The following DENND1A variants were observed in gnomAD, a reference collection of about 807,000 sequenced individuals.
The protein encoded by DENND1A is DENN domain-containing protein 1A.
Under a neutral mutation model 113.7 loss-of-function variants are expected in DENND1A, and 51 were observed. The observed-to-expected ratio is 0.45, with a 90% CI of 0.36 to 0.57. The LOEUF is 0.57. Ranked by LOEUF, DENND1A falls within the 20% of genes least tolerant of loss-of-function variation. The pLI is 0.00. For synonymous variants in DENND1A, 565 were observed against 570.8 expected (o/e 0.99, Z 0.14); for missense variants, 1,258 against 1,395.9 (o/e 0.90, Z 1.57).
chr9:123,917,353 T>A (rs550896720), intron 1 of DENND1A, among the ~76,000 whole-genome samples: 1 of 152,108 alleles, frequency 6.6e-6, no homozygotes, highest in East Asian at 1.9e-4. Flanking sequence ...GCCAAAAACA[T>A]AACTATTTTC....
chr9:123,510,949 T>C (rs1259212977), intron 13 of DENND1A, among the ~76,000 whole-genome samples: 1 of 152,178 alleles, frequency 6.6e-6, no homozygotes, highest in African/African-American at 2.4e-5. Flanking sequence ...GAGCATGGAA[T>C]AGGCAATAAG....
At chr9:123,801,632 A>G (rs1470140350) in intron 2 of DENND1A, among the ~76,000 whole-genome samples, 1 of 152,214 alleles carries the variant, frequency 6.6e-6, no homozygotes, top group Admixed American at 6.5e-5. Context: ...TCTTTTGCAT[A>G]TATATCCACA....
At chr9:123,435,354 A>C (rs1308253035) in intron 19 of DENND1A, among the ~76,000 whole-genome samples, 1 of 152,146 alleles carries the variant, frequency 6.6e-6, no homozygotes, top group Non-Finnish European at 1.5e-5. Flanking sequence ...AGAATTCTCC[A>C]TACGCAGAGA....
At chr9:123,790,888 A>G (rs1227637659) in intron 3 of DENND1A, among the ~76,000 whole-genome samples, 2 of 152,204 alleles carry the variant, frequency 1.3e-5, no homozygotes, top group East Asian at 3.8e-4. Context: ...AAATTGTTAC[A>G]GTGGTTATCT....
At chr9:123,609,265 A>G (rs1405290243) in intron 11 of DENND1A, among the ~76,000 whole-genome samples, 171 bp downstream of exon 11, 1 of 152,196 alleles carries the variant, frequency 6.6e-6, no homozygotes, top group Non-Finnish European at 1.5e-5. Context: ...CTGAAAACAG[A>G]GCCCAGTGCA....
chr9:123,536,745 C>T (rs1466011429), intron 13 of DENND1A, among the ~76,000 whole-genome samples: 1 of 151,930 alleles, frequency 6.6e-6, no homozygotes, highest in African/African-American at 2.4e-5. Flanking sequence ...CAAGATTGAG[C>T]AGGACAGATA....
chr9:123,814,525 T>C (rs1159869653), intron 2 of DENND1A, among the ~76,000 whole-genome samples: 2 of 152,160 alleles, frequency 1.3e-5, no homozygotes, highest in Non-Finnish European at 1.5e-5. Context: ...AAAAAATTCA[T>C]TAAGCATAAT....
chr9:123,806,931 C>G (rs1174933165), intron 2 of DENND1A, among the ~76,000 whole-genome samples: 3 of 152,148 alleles, frequency 2.0e-5, no homozygotes, highest in Non-Finnish European at 4.4e-5. Context: ...ACCTTAAAAT[C>G]TATCTGAAGG....
At chr9:123,671,399 A>G in intron 6 of DENND1A, 28 bp from the exon 7 acceptor site, 1 of 1,612,182 alleles carries the variant, frequency 6.2e-7, no homozygotes, top group Non-Finnish European at 8.5e-7. Context: ...CCTAAGTAAC[A>G]AAAGCAAGGC....
chr9:123,548,208 C>T (rs540913123), intron 13 of DENND1A, among the ~76,000 whole-genome samples: 1 of 152,302 alleles, frequency 6.6e-6, no homozygotes, highest in Non-Finnish European at 1.5e-5. Flanking sequence ...CTTATCCTTG[C>T]TTCATTCCCA....
chr9:123,761,478 T>C (rs1297167090), intron 4 of DENND1A, among the ~76,000 whole-genome samples: 3 of 152,194 alleles, frequency 2.0e-5, no homozygotes, highest in African/African-American at 7.2e-5. Flanking sequence ...TATCTGTGAG[T>C]AGAGGAAGAA....
chr9:123,627,639 C>T (rs1270176698), intron 10 of DENND1A, among the ~76,000 whole-genome samples: 5 of 151,140 alleles, frequency 3.3e-5, no homozygotes, highest in African/African-American at 1.2e-4. Flanking sequence ...ACTCAGGAGG[C>T]TGAGGCAGGA....
At chr9:123,583,485 G>A (rs982787199) in intron 11 of DENND1A, among the ~76,000 whole-genome samples, 2 of 152,120 alleles carry the variant, frequency 1.3e-5, no homozygotes, top group African/African-American at 4.8e-5. Context: ...CAAGTCCCAG[G>A]AGTGAAAAGG....
At chr9:123,878,925 A>G in intron 2 of DENND1A, 26 bp downstream of exon 2, 3 of 1,611,280 alleles carry the variant, frequency 1.9e-6, no homozygotes, top group Non-Finnish European at 1.7e-6. Flanking sequence ...GTAACACACC[A>G]TATCATAATC....
intron 2 of DENND1A, among the ~76,000 whole-genome samples, chr9:123,873,741 ATC>A (rs1847009866): frequency 6.6e-6 from 1 of 151,394 alleles, no homozygotes; most frequent in Non-Finnish European, 1.5e-5. Context: ...AAAATTATCT[ATC>A]TCTCTTTTTT....
intron 13 of DENND1A, among the ~76,000 whole-genome samples, chr9:123,553,084 A>C (rs1161228208): frequency 6.6e-6 from 1 of 152,116 alleles, no homozygotes; most frequent in Non-Finnish European, 1.5e-5. Context: ...GCAAGACCTT[A>C]TCTCTACAAA....
intron 11 of DENND1A, among the ~76,000 whole-genome samples, chr9:123,589,162 G>A (rs1168882268): frequency 6.6e-6 from 1 of 152,068 alleles, no homozygotes; most frequent in Non-Finnish European, 1.5e-5. Context: ...ATTACTAACT[G>A]CGACAGAGTG....
intron 18 of DENND1A, among the ~76,000 whole-genome samples, chr9:123,445,490 G>A (rs1185322753): frequency 6.6e-6 from 1 of 152,238 alleles, no homozygotes; most frequent in African/African-American, 2.4e-5. Flanking sequence ...AACCTCAAGG[G>A]AGGTGATTCA....
intron 13 of DENND1A, among the ~76,000 whole-genome samples, chr9:123,509,764 C>T (rs1304337294): frequency 6.6e-6 from 1 of 152,208 alleles, no homozygotes; most frequent in African/African-American, 2.4e-5. Flanking sequence ...GGAGGACCCA[C>T]ATGTTTCTCA....
Sources: allele counts gnomAD v4.1 joint callset (sites outside exome capture counted in the v4.1 genomes callset), GRCh38; gene constraint gnomAD v4.1.1; transcripts MANE v1.5; gene names NCBI Gene and HGNC (gene_info 2026-07-23, HGNC 2026-07-21).